FLRT1: variants seen among roughly 807,000 people sequenced by gnomAD.
The protein encoded by FLRT1 is fibronectin leucine rich transmembrane protein 1, also known as leucine-rich repeat transmembrane protein FLRT1.
A neutral mutation model predicts 30.9 loss-of-function variants in FLRT1; 14 were observed. The observed-to-expected ratio is 0.45, with a 90% CI of 0.30 to 0.71. FLRT1 has a LOEUF of 0.71. Among genes scored for constraint, FLRT1 ranks in the 30% least tolerant of loss-of-function variants. The probability of loss-of-function intolerance (pLI) is 0.08; values close to 1 mark genes in which losing one functional copy is unlikely to be tolerated. For missense variants in FLRT1, 737 were observed against 949.2 expected (o/e 0.78, Z 2.94); for synonymous variants, 368 against 430.4 (o/e 0.85, Z 1.80).
intron 1 of FLRT1, among the ~76,000 whole-genome samples, chr11:64,058,219 TG>T (rs1303632500): frequency 3.9e-5 from 6 of 152,208 alleles, no homozygotes; most frequent in African/African-American, 1.4e-4. Flanking sequence ...GGTAGAGAGG[TG>T]GGCATCTGAG....
At chr11:64,109,661 G>C (rs1389165745) in intron 2 of FLRT1, among the ~76,000 whole-genome samples, 1 of 152,156 alleles carries the variant, frequency 6.6e-6, no homozygotes, top group Admixed American at 6.5e-5. Flanking sequence ...CCTGCCCCCA[G>C]CCTGGAGGGC....
chr11:64,101,939 A>C (rs1170135201), intron 1 of FLRT1, among the ~76,000 whole-genome samples: 1 of 151,824 alleles, frequency 6.6e-6, no homozygotes, highest in Non-Finnish European at 1.5e-5. Context: ...GCTGGCACAC[A>C]CCCTTCCCAA....
chr11:64,081,281 C>A (rs1944298123), intron 1 of FLRT1, among the ~76,000 whole-genome samples: 1 of 152,214 alleles, frequency 6.6e-6, no homozygotes, highest in Non-Finnish European at 1.5e-5. Flanking sequence ...CTCGGCCTCC[C>A]AAAGTGCTGG....
At chr11:64,081,843 A>C (rs1944309795) in intron 1 of FLRT1, 1 of 151,992 alleles carries the variant, frequency 6.6e-6, no homozygotes, top group Non-Finnish European at 1.5e-5. Flanking sequence ...ATTCACAGAC[A>C]TGAAGACTGA....
chr11:64,109,913 G>A (rs191252056), intron 2 of FLRT1, among the ~76,000 whole-genome samples: 28 of 152,216 alleles, frequency 1.8e-4, no homozygotes, highest in East Asian at 1.5e-3. Context: ...CCACTGGAGC[G>A]CGGAGGACAG....
chr11:64,053,492 C>T (rs1031670874), intron 1 of FLRT1, among the ~76,000 whole-genome samples: 1 of 152,026 alleles, frequency 6.6e-6, no homozygotes, highest in African/African-American at 2.4e-5. Context: ...GGGAGTGTGG[C>T]CAGGAACCCA....
intron 1 of FLRT1, among the ~76,000 whole-genome samples, chr11:64,039,282 G>A (rs541827888): frequency 6.6e-6 from 1 of 152,198 alleles, no homozygotes; most frequent in African/African-American, 2.4e-5. Context: ...ATAGTGGGGT[G>A]GGTGGGGACT....
At chr11:64,037,916 T>G (rs1943413490) in intron 1 of FLRT1, among the ~76,000 whole-genome samples, 2 of 152,176 alleles carry the variant, frequency 1.3e-5, no homozygotes, top group Admixed American at 1.3e-4. Context: ...AGGGTGCTGC[T>G]TTGTAAGTGC....
rs944720145 is a variant in FLRT1, at chr11:64,064,148, CTTCT to C, written c.-1038+27990_-1038+27993del. On this transcript the variant is annotated intron_variant, in intron 1 of 2. Transcript: ENST00000682287. This position sits in a 1 kb window ranked among gnomAD's most constrained non-coding sequence, Gnocchi z 4.5. ...TCTCTCCCACTCTCCCTTTCAGCATCTTCTCTCTCTTGTCTTCTGAGGACAGATG... is the reference window on the plus strand; with the variant it reads ...TCTCTCCCACTCTCCCTTTCAGCATCCTCTCTTGTCTTCTGAGGACAGATG... 6.6e-5 allele frequency among the ~76,000 whole-genome samples: 10 copies of C among 152,208 alleles called. No individual in the cohort carries two copies. Among genetic ancestry groups the C allele is most frequent in the African/African-American group, 2.4e-4 (10 of 41,446 alleles).
rs1055808414 is a variant in FLRT1 at position 64,067,622 on chromosome 11, C to T, written c.-1038+31463C>T. ...TAGGTGGGTGACGCACCAACATGCCCGTGGCCTCCGGTGCACACACAGGGT... is the reference window on the plus strand; with the variant it reads ...TAGGTGGGTGACGCACCAACATGCCTGTGGCCTCCGGTGCACACACAGGGT... On this transcript the variant is annotated intron_variant, in intron 1 of 2. Transcript: ENST00000682287. This position sits in a 1 kb window ranked among gnomAD's most constrained non-coding sequence, Gnocchi z 4.6. 5.9e-5 allele frequency among the ~76,000 whole-genome samples: 9 copies of T among 152,268 alleles called. No individual in the cohort carries two copies. Among genetic ancestry groups the T allele is most frequent in the Admixed American group, 2.0e-4 (3 of 15,308 alleles).
Position 64,116,802 on chromosome 11 carries a change from C to G in FLRT1, c.535C>G (p.Leu179Val). The G allele has an allele frequency of 1.9e-6, 3 of 1,613,524 alleles. No homozygotes were observed. Among genetic ancestry groups the G allele is most frequent in the Non-Finnish European group, 2.5e-6 (3 of 1,180,032 alleles). ...EEDAFADSKQ[L>V]KLLFLSRNHL... Reference sequence around the variant, plus strand: ...GGACGCCTTCGCCGACAGCAAACAGCTCAAGCTGCTCTTCCTGAGCCGGAA... The same window carrying G: ...GGACGCCTTCGCCGACAGCAAACAGGTCAAGCTGCTCTTCCTGAGCCGGAA... The change falls in exon 3 of 3, where the codon CTC becomes GTC. Residue 179 changes from leucine (L) to valine (V), a missense_variant. Physicochemically the swap from Leu to Val is conservative, Grantham distance 32. Transcript: ENST00000682287.
Position 64,064,303 on chromosome 11 carries a change from G to A in FLRT1, c.-1038+28144G>A, listed in dbSNP as rs561596156. On this transcript the variant is annotated intron_variant, in intron 1 of 2. Coordinates refer to ENST00000682287, the MANE Select transcript of FLRT1 (RefSeq NM_013280.5). The surrounding 1 kb of genome is among the most constrained non-coding windows in gnomAD (Gnocchi z 4.5). Reference sequence around the variant, plus strand: ...TCTCCACGTGCAGCCCTGTTCAGGCGGCGGGTAGGGGGGTGATGTCTCATC... The same window carrying A: ...TCTCCACGTGCAGCCCTGTTCAGGCAGCGGGTAGGGGGGTGATGTCTCATC... Among the ~76,000 whole-genome samples the A allele has an allele frequency of 4.6e-5, 7 of 152,202 alleles. No individual in the cohort carries two copies. The highest frequency in any genetic ancestry group is 8.8e-5 in the Non-Finnish European group (6 of 68,042).
intron 1 of FLRT1, among the ~76,000 whole-genome samples, chr11:64,040,400 G>T (rs897412621): frequency 6.6e-6 from 1 of 152,192 alleles, no homozygotes; most frequent in Admixed American, 6.5e-5. Flanking sequence ...CCCCCGGCAG[G>T]AGGGCAGAGG....
At chr11:64,116,141 G>A (rs1271606258) in intron 2 of FLRT1, 78 bp from the exon 3 acceptor site, 22 of 1,388,346 alleles carry the variant, frequency 1.6e-5, no homozygotes, top group African/African-American at 5.7e-5. Context: ...GCTGGCAGGT[G>A]GGAGGGAATG....
intron 1 of FLRT1, among the ~76,000 whole-genome samples, chr11:64,045,426 C>T (rs371845021): frequency 2.6e-5 from 4 of 152,170 alleles, no homozygotes; most frequent in Admixed American, 6.5e-5. Flanking sequence ...GGGTGAAGAG[C>T]GCAGGAGAGA....
chr11:64,057,046 G>A (rs1943799070), intron 1 of FLRT1, among the ~76,000 whole-genome samples: 1 of 152,210 alleles, frequency 6.6e-6, no homozygotes, highest in South Asian at 2.1e-4. Flanking sequence ...GGGCTCCCAG[G>A]CTCCAGGCCT....
intron 1 of FLRT1, among the ~76,000 whole-genome samples, chr11:64,040,607 A>C (rs538220052): frequency 6.6e-6 from 1 of 152,296 alleles, no homozygotes; most frequent in Non-Finnish European, 1.5e-5. Context: ...CTGTGTGTTC[A>C]CCTGCGTAGA....
chr11:64,110,283 C>A (rs936433864), intron 2 of FLRT1, among the ~76,000 whole-genome samples: 1 of 152,078 alleles, frequency 6.6e-6, no homozygotes, highest in South Asian at 2.1e-4. Context: ...AACCCCATCT[C>A]TGCAAAAAAT....
At chr11:64,048,369 G>A (rs1207332022) in intron 1 of FLRT1, among the ~76,000 whole-genome samples, 1 of 152,212 alleles carries the variant, frequency 6.6e-6, no homozygotes, top group Non-Finnish European at 1.5e-5. Context: ...CAGGACAGAG[G>A]CCCTTGTCTG....
Sources: allele counts gnomAD v4.1 joint callset (sites outside exome capture counted in the v4.1 genomes callset), GRCh38; gene constraint gnomAD v4.1.1; non-coding constraint Gnocchi (gnomAD v3.1); transcripts MANE v1.5; gene names NCBI Gene and HGNC (gene_info 2026-07-23, HGNC 2026-07-21).